The following MCOLN2 variants were observed in gnomAD, a reference collection of about 807,000 sequenced individuals.
MCOLN2 encodes mucolipin-2.
A neutral mutation model predicts 67.5 loss-of-function variants in MCOLN2; 57 were observed. The observed-to-expected ratio is 0.84, with a 90% CI of 0.68 to 1.05. The LOEUF is 1.05. Ranked by LOEUF, MCOLN2 falls within the 50% of genes least tolerant of loss-of-function variation. MCOLN2 has a pLI of 0.00. For synonymous variants in MCOLN2, 246 were observed against 233.3 expected (o/e 1.05, Z -0.50); for missense variants, 620 against 678.8 (o/e 0.91, Z 0.96).
intron 1 of MCOLN2, among the ~76,000 whole-genome samples, chr1:84,978,999 G>C (rs1650125817): frequency 6.6e-6 from 1 of 152,100 alleles, no homozygotes; most frequent in African/African-American, 2.4e-5. Context: ...GAAAGACATA[G>C]GGTGGAAGAC....
In MCOLN2 at chr1:84,958,551, C is replaced by T; in HGVS notation, c.389G>A (p.Ser130Asn). ...SVYTQEDAYE[S>N]IFFAINQYHQ... ...TGCCTGATTAATAGCAAAAAAGATGCTCTCATAGGCATCCTCTTGAGTATA... is the reference window on the plus strand; with the variant it reads ...TGCCTGATTAATAGCAAAAAAGATGTTCTCATAGGCATCCTCTTGAGTATA... Residue 130 changes from serine (S) to asparagine (N), a missense_variant, in exon 3 of 14, where the codon AGC (serine) becomes AAC (asparagine). Physicochemically the swap from Ser to Asn is conservative, Grantham distance 46 (BLOSUM62 1). Coordinates refer to ENST00000370608, the MANE Select transcript of MCOLN2 (RefSeq NM_153259.4). 6.2e-7 allele frequency: 1 copy of T among 1,602,084 alleles called. No individual in the cohort carries two copies. The highest frequency in any genetic ancestry group is 1.3e-5 in the African/African-American group (1 of 74,496).
intron 6 of MCOLN2, among the ~76,000 whole-genome samples, chr1:84,951,393 G>A (rs909530223): frequency 7.9e-5 from 12 of 152,146 alleles, no homozygotes; most frequent in African/African-American, 2.4e-4. Context: ...GAAGGAAGGC[G>A]AGAAGGACAG....
Position 84,925,687 on chromosome 1 carries a change from C to T in MCOLN2, c.*998G>A, listed in dbSNP as rs996982172. ...GAGTTCAATTGTTAAAATGAGTGAC[C>T]GCTGCTACAGGTCACTTCCACATGT... On this transcript the variant is annotated 3_prime_UTR_variant, in exon 14 of 14. Coordinates refer to ENST00000370608, the MANE Select transcript of MCOLN2 (RefSeq NM_153259.4). The T allele has an allele frequency of 2.7e-4, 41 of 152,014 alleles. No homozygotes were observed. Among genetic ancestry groups the T allele is most frequent in the African/African-American group, 9.7e-4 (40 of 41,374 alleles). The allele number at this position is 152,014 out of a possible 1,614,324, so 9.4% of individuals were successfully genotyped here.
intron 3 of MCOLN2, among the ~76,000 whole-genome samples, chr1:84,958,094 T>C (rs1335458689): frequency 6.6e-6 from 1 of 152,174 alleles, no homozygotes; most frequent in Non-Finnish European, 1.5e-5. Context: ...TATTTACTTA[T>C]TTATTTTGTA....
In MCOLN2 at chr1:84,958,795, C is replaced by T. The variant is rs971174235; in HGVS notation, c.238-93G>A. The T allele has an allele frequency of 6.2e-6, 6 of 961,670 alleles. No homozygotes were observed. The African/African-American group carries it at 8.4e-5, about 13-fold the overall frequency. 59.6% of individuals were successfully genotyped at this position (961,670 alleles called of 1,614,324 possible). ...ACTATCATCAACCATTACCTATAAA[C>T]ATCAGAAAATAATATCAATTTTTTT... On this transcript the variant is annotated intron_variant, in intron 2 of 13. Transcript: ENST00000370608.
rs530388249 is a variant in MCOLN2, at chr1:84,956,723, C to A, written c.412-139G>T. The A allele has an allele frequency of 2.8e-4, 191 of 685,980 alleles. No individual in the cohort carries two copies. In the African/African-American group the frequency reaches 3.5e-3, roughly 13 times the overall value. The allele number at this position is 685,980 out of a possible 1,614,324, so 42.5% of individuals were successfully genotyped here. The stretch of plus-strand genomic sequence containing the variant: ...CAATAGAACTTCCCAATTTAAAATA[C>A]TACAAAGAAATCTTCTCAGTTTGTT... On this transcript the variant is annotated intron_variant, in intron 3 of 13. Transcript: ENST00000370608.
chr1:84,930,348 T>A (rs2028303), intron 12 of MCOLN2, among the ~76,000 whole-genome samples: 32,259 of 151,872 alleles, frequency 0.21, 4,443 homozygotes, highest in Non-Finnish European at 0.3. Flanking sequence ...ACATTGGCAA[T>A]GTAGACTCTG....
chr1:84,948,201 C>T (rs1375602476), intron 6 of MCOLN2, among the ~76,000 whole-genome samples: 1 of 152,254 alleles, frequency 6.6e-6, no homozygotes, highest in African/African-American at 2.4e-5. Flanking sequence ...TGCCACACAG[C>T]CTGCTGCTTA....
At chr1:84,986,710 C>T (rs1433486426) in intron 1 of MCOLN2, among the ~76,000 whole-genome samples, 1 of 151,692 alleles carries the variant, frequency 6.6e-6, no homozygotes, top group Non-Finnish European at 1.5e-5. Context: ...CCCATCAAAA[C>T]GTGGGCTAAA....
intron 1 of MCOLN2, among the ~76,000 whole-genome samples, chr1:84,969,207 C>T (rs988999166): frequency 3.3e-5 from 5 of 152,194 alleles, no homozygotes; most frequent in African/African-American, 9.6e-5. Context: ...GTTCTGTGAG[C>T]CTCCCTAGCA....
intron 2 of MCOLN2, among the ~76,000 whole-genome samples, chr1:84,962,630 T>TG (rs1649150127): frequency 6.6e-6 from 1 of 152,056 alleles, no homozygotes; most frequent in Admixed American, 6.6e-5. Flanking sequence ...CAAGGCCCAG[T>TG]GGGGGAGATG....
At chr1:84,949,840 T>C (rs953484228) in intron 6 of MCOLN2, among the ~76,000 whole-genome samples, 3 of 150,690 alleles carry the variant, frequency 2.0e-5, no homozygotes, top group African/African-American at 7.3e-5. Context: ...AGCAAAGCCA[T>C]CCTTCAGAAA....
intron 2 of MCOLN2, among the ~76,000 whole-genome samples, chr1:84,963,787 C>T (rs942250665): frequency 2.6e-5 from 4 of 152,180 alleles, no homozygotes; most frequent in Non-Finnish European, 4.4e-5. Context: ...GCTTCTTGTA[C>T]AGCCTGCAGA....
In MCOLN2 at chr1:84,981,281, T is replaced by A. The variant is rs969918205; in HGVS notation, c.77+15515A>T. Reference sequence around the variant, plus strand: ...AAAAACTAAAAATAGAGCTACCATATGATCTAGCAATCCCACTGCTGGGTA... The same window carrying A: ...AAAAACTAAAAATAGAGCTACCATAAGATCTAGCAATCCCACTGCTGGGTA... On this transcript the variant is annotated intron_variant, in intron 1 of 13. Transcript: ENST00000370608. Among the ~76,000 whole-genome samples the A allele has an allele frequency of 3.3e-5, 5 of 152,330 alleles. No homozygotes were observed. The South Asian group carries it at 6.2e-4, about 19-fold the overall frequency.
At chr1:84,929,485 T>C (rs1283025699) in intron 13 of MCOLN2, 73 bp downstream of exon 13, 2 of 1,460,666 alleles carry the variant, frequency 1.4e-6, no homozygotes, top group Non-Finnish European at 9.2e-7. Flanking sequence ...GTAATGGTAA[T>C]CTTGGAGGGG....
At chr1:84,931,060 C>G (rs558966576) in intron 12 of MCOLN2, among the ~76,000 whole-genome samples, 1 of 152,244 alleles carries the variant, frequency 6.6e-6, no homozygotes, top group Non-Finnish European at 1.5e-5. Flanking sequence ...AAGTTCCAGG[C>G]AGCCACACTG....
intron 7 of MCOLN2, 22 bp from the exon 8 acceptor site, chr1:84,941,013 A>C (rs1436230438): frequency 6.6e-7 from 1 of 1,510,476 alleles, no homozygotes; most frequent in Non-Finnish European, 9.2e-7. Flanking sequence ...AACAGAATTC[A>C]AATGTTAAAC....
At chr1:84,977,117 GT>G (rs576497922) in intron 1 of MCOLN2, among the ~76,000 whole-genome samples, 1,557 of 134,806 alleles carry the variant, frequency 0.012, 30 homozygotes, top group African/African-American at 0.042. Context: ...AAGGCATAGA[GT>G]TTTTATTAGT....
rs1661305676 is a variant in MCOLN2 at position 84,929,577 on chromosome 1, A to G, written c.1645T>C (p.Cys549Arg). The G allele has an allele frequency of 6.2e-7, 1 of 1,613,540 alleles. No individual in the cohort carries two copies. Among genetic ancestry groups the G allele is most frequent in the Non-Finnish European group, 8.5e-7 (1 of 1,179,582 alleles). Residue 549 changes from cysteine to arginine, a missense_variant, in exon 13 of 14, where the codon TGC becomes CGC. Physicochemically the swap from Cys to Arg is radical, Grantham distance 180. Transcript: ENST00000370608. ...YQKESSAFLS[C>R]ICCRRRKRSD... ...ACTGACCTCCTCCGACAGCAGATGC[A>G]GGACAGGAAGGCTGAGGACTCTTTC...
Sources: gnomAD v4.1 joint callset for allele counts (sites outside exome capture counted in the v4.1 genomes callset) on GRCh38, gnomAD v4.1.1 for gene constraint, MANE v1.5 for transcripts, NCBI Gene and HGNC (gene_info 2026-07-23, HGNC 2026-07-21) for gene names.